Variants in H2AC14 observed in about 807,000 individuals in gnomAD.
The protein encoded by H2AC14 is histone cluster 1, H2aj.
In H2AC14, 6 loss-of-function variants were observed where a neutral mutation model predicts 5.7. The observed-to-expected ratio is 1.05, with a 90% CI of 0.57 to 2.07. H2AC14 has a LOEUF of 2.07. Among genes scored for constraint, H2AC14 ranks in the 30% most tolerant of loss-of-function variants. H2AC14 has a pLI of 0.00. For missense variants in H2AC14, 136 were observed against 174.6 expected (o/e 0.78, Z 1.25); for synonymous variants, 121 against 79.3 (o/e 1.53, Z -2.80).
In H2AC14 at chr6:27,814,457, T is replaced by C; in HGVS notation, c.284A>G (p.Asn95Ser). 6.2e-7 allele frequency: 1 copy of C among 1,613,958 alleles called. No individual in the cohort carries two copies. Among genetic ancestry groups the C allele is most frequent in the Non-Finnish European group, 8.5e-7 (1 of 1,179,930 alleles). ...GATGGTGACTTTGCCCAGAAGCTTGTTGAGCTCCTCATCGTTGCGGATGGC... is the reference window on the plus strand; with the variant it reads ...GATGGTGACTTTGCCCAGAAGCTTGCTGAGCTCCTCATCGTTGCGGATGGC... Reference protein sequence around the residue: ...QLAIRNDEELNKLLGKVTIAQ... With the variant: ...QLAIRNDEELSKLLGKVTIAQ... Residue 95 changes from asparagine (N) to serine (S), a missense_variant, in exon 1 of 1, where the codon AAC (asparagine) becomes AGC (serine). Transcript: ENST00000333151.
Position 27,814,348 on chromosome 6 carries a change from C to T in H2AC14, c.*6G>A, listed in dbSNP as rs760271262. ...CTTTGTTTTTATGCGCTTTTCAACTCGGTCTTTACTTAGTCTTGTGGTGGC... is the reference window on the plus strand; with the variant it reads ...CTTTGTTTTTATGCGCTTTTCAACTTGGTCTTTACTTAGTCTTGTGGTGGC... On this transcript the variant is annotated 3_prime_UTR_variant, in exon 1 of 1. Transcript: ENST00000333151. The T allele has an allele frequency of 1.9e-5, 30 of 1,610,294 alleles. No individual in the cohort carries two copies. The highest frequency in any genetic ancestry group is 1.7e-4 in the Middle Eastern group (1 of 6,056).
Position 27,814,710 on chromosome 6 carries a change from C to T in H2AC14, c.31G>A (p.Ala11Thr), listed in dbSNP as rs374667336. The change falls in exon 1 of 1, where the codon GCT (alanine) becomes ACT (threonine). Residue 11 changes from alanine (A) to threonine (T), a missense_variant. Physicochemically the swap from Ala to Thr is moderately conservative, Grantham distance 58 (BLOSUM62 0). Coordinates refer to ENST00000333151, the MANE Select transcript of H2AC14 (RefSeq NM_021066.3). MSGRGKQGGK[A>T]RAKAKTRSSR... ...GAGCGGGTCTTGGCCTTGGCGCGAGCTTTGCCTCCCTGCTTACCACGCCCA... is the reference window on the plus strand; with the variant it reads ...GAGCGGGTCTTGGCCTTGGCGCGAGTTTTGCCTCCCTGCTTACCACGCCCA... 4 of 1,564,268 alleles carry T rather than the reference C, an allele frequency of 2.6e-6. No individual in the cohort carries two copies. Among genetic ancestry groups the T allele is most frequent in the Admixed American group, 2.0e-5 (1 of 51,002 alleles).
rs774352500 is a variant in H2AC14, at chr6:27,814,543, C to A, written c.198G>T (p.Leu66=). Residue 66 remains leucine (L), a synonymous_variant, in exon 1 of 1, where the codon CTG becomes CTT. Coordinates refer to ENST00000333151, the MANE Select transcript of H2AC14 (RefSeq NM_021066.3). ...TGTTGTCGCGGGCCGCGTTGCCAGC[C>A]AGCTCCAGGATCTCGGCGGTCAGGT... ...LEYLTAEILE[L]AGNAARDNKK... 7 of 1,608,890 alleles carry A rather than the reference C, an allele frequency of 4.4e-6. No individual in the cohort carries two copies. Among genetic ancestry groups the A allele is most frequent in the African/African-American group, 1.3e-5 (1 of 74,712 alleles).
In H2AC14 at chr6:27,814,697, G is replaced by C; in HGVS notation, c.44C>G (p.Ala15Gly). ...GKQGGKARAK[A>G]KTRSSRAGLQ... ...CCCGGCCCGAGAAGAGCGGGTCTTGGCCTTGGCGCGAGCTTTGCCTCCCTG... is the reference window on the plus strand; with the variant it reads ...CCCGGCCCGAGAAGAGCGGGTCTTGCCCTTGGCGCGAGCTTTGCCTCCCTG... Residue 15 changes from alanine to glycine, a missense_variant, in exon 1 of 1, where the codon GCC (alanine) becomes GGC (glycine). Transcript: ENST00000333151. The C allele has an allele frequency of 2.8e-5, 43 of 1,560,772 alleles. No homozygotes were observed. The highest frequency in any genetic ancestry group is 3.6e-5 in the Non-Finnish European group (42 of 1,155,872).
chr6:27,814,590 A>G lies in H2AC14; in HGVS notation c.151T>C (p.Tyr51His). Residue 51 changes from tyrosine to histidine, a missense_variant, in exon 1 of 1, where the codon TAC becomes CAC. This residue lies in a region of H2AC14 where 100 missense variants were observed against 152.3 expected (regional missense o/e 0.66). Transcript: ENST00000333151. ...AERVGAGAPV[Y>H]LAAVLEYLTA... ...AGGTACTCCAGCACCGCCGCCAGGT[A>G]CACCGGCGCTCCAGCACCGACCCGC... The G allele has an allele frequency of 6.3e-7, 1 of 1,598,036 alleles. No homozygotes were observed. The highest frequency in any genetic ancestry group is 8.5e-7 in the Non-Finnish European group (1 of 1,169,924).
Position 27,814,726 on chromosome 6 carries a change from A to C in H2AC14, c.15T>G (p.Gly5=), listed in dbSNP as rs146657069. 3 of 1,566,690 alleles carry C rather than the reference A, an allele frequency of 1.9e-6. No individual in the cohort carries two copies. The highest frequency in any genetic ancestry group is 1.2e-5 in the South Asian group (1 of 84,136). The change falls in exon 1 of 1, where the codon GGT becomes GGG. Residue 5 remains glycine (G), a synonymous_variant. Transcript: ENST00000333151. ...TGGCGCGAGCTTTGCCTCCCTGCTT[A>C]CCACGCCCAGACATGGCAAAAGGTC... MSGR[G]KQGGKARAKA...
chr6:27,814,361 G>GA lies in H2AC14; in HGVS notation c.379_380insT (p.Thr127IlefsTer2). The GA allele has an allele frequency of 6.2e-7, 1 of 1,614,086 alleles. No homozygotes were observed. ...CGCTTTTCAACTCGGTCTTTACTTAGTCTTGTGGTGGCTCTCAGTTTTCTT... is the reference window on the plus strand; with the variant it reads ...CGCTTTTCAACTCGGTCTTTACTTAGATCTTGTGGTGGCTCTCAGTTTTCTT... On this transcript the variant is annotated frameshift_variant, in exon 1 of 1. Transcript: ENST00000333151. LOFTEE classifies it high-confidence loss of function.
rs371200676 is a variant in H2AC14, at chr6:27,814,684, A to G, written c.57T>C (p.Ser19=). ...GKARAKAKTR[S]SRAGLQFPVG... is the part of the protein sequence containing the mutation. ...CGGGAAACTGAAGCCCGGCCCGAGA[A>G]GAGCGGGTCTTGGCCTTGGCGCGAG... The change falls in exon 1 of 1, where the codon TCT becomes TCC. Residue 19 remains serine, a synonymous_variant. Transcript: ENST00000333151. 7.7e-6 allele frequency: 12 copies of G among 1,556,844 alleles called. No individual in the cohort carries two copies. The highest frequency in any genetic ancestry group is 2.2e-5 in the East Asian group (1 of 44,508).
In H2AC14 at chr6:27,814,346, C is replaced by T. The variant is rs772827641; in HGVS notation, c.*8G>A. On this transcript the variant is annotated 3_prime_UTR_variant, in exon 1 of 1. Coordinates refer to ENST00000333151, the MANE Select transcript of H2AC14 (RefSeq NM_021066.3). ...GCCTTTGTTTTTATGCGCTTTTCAA[C>T]TCGGTCTTTACTTAGTCTTGTGGTG... The T allele has an allele frequency of 4.3e-6, 7 of 1,609,840 alleles. No individual in the cohort carries two copies. Among genetic ancestry groups the T allele is most frequent in the African/African-American group, 1.3e-5 (1 of 74,494 alleles).
In H2AC14 at chr6:27,814,758, C is replaced by T. The variant is rs548481166; in HGVS notation, c.-18G>A. 46 of 1,532,642 alleles carry T rather than the reference C, an allele frequency of 3.0e-5. No homozygotes were observed. The highest frequency in any genetic ancestry group is 1.8e-4 in the Middle Eastern group (1 of 5,668). 94.9% of individuals were successfully genotyped at this position (1,532,642 alleles called of 1,614,324 possible). On this transcript the variant is annotated 5_prime_UTR_variant, in exon 1 of 1. Transcript: ENST00000333151. The stretch of plus-strand genomic sequence containing the variant: ...CCAGACATGGCAAAAGGTCTATTAC[C>T]TTTACGGTCAAGAAAGACTGAAATG...
chr6:27,814,667 T>C lies in H2AC14; in HGVS notation c.74A>G (p.Gln25Arg). 2 of 1,548,464 alleles carry C rather than the reference T, an allele frequency of 1.3e-6. No homozygotes were observed. Among genetic ancestry groups the C allele is most frequent in the Non-Finnish European group, 1.7e-6 (2 of 1,151,822 alleles). The change falls in exon 1 of 1, where the codon CAG becomes CGG. Residue 25 changes from glutamine to arginine, a missense_variant. Physicochemically the swap from Gln to Arg is conservative, Grantham distance 43 (BLOSUM62 1). Coordinates refer to ENST00000333151, the MANE Select transcript of H2AC14 (RefSeq NM_021066.3). ...GCGATGCACTCGGCCTACGGGAAAC[T>C]GAAGCCCGGCCCGAGAAGAGCGGGT... is the stretch of plus-strand genomic sequence containing the variant. ...AKTRSSRAGL[Q>R]FPVGRVHRLL...
chr6:27,814,749 G>A lies in H2AC14; in HGVS notation c.-9C>T, dbSNP rs59532390. The A allele has an allele frequency of 2.9e-3, 4,400 of 1,541,716 alleles. 59 individuals are homozygous for A. The African/African-American group carries it at 0.034, about 12-fold the overall frequency. ...TTACCACGCCCAGACATGGCAAAAGGTCTATTACCTTTACGGTCAAGAAAG... is the reference window on the plus strand; with the variant it reads ...TTACCACGCCCAGACATGGCAAAAGATCTATTACCTTTACGGTCAAGAAAG... On this transcript the variant is annotated 5_prime_UTR_variant, in exon 1 of 1. Transcript: ENST00000333151.
chr6:27,814,554 T>C lies in H2AC14; in HGVS notation c.187A>G (p.Ile63Val). ...GCCGCGTTGCCAGCCAGCTCCAGGATCTCGGCGGTCAGGTACTCCAGCACC... is the reference window on the plus strand; with the variant it reads ...GCCGCGTTGCCAGCCAGCTCCAGGACCTCGGCGGTCAGGTACTCCAGCACC... ...AAVLEYLTAEILELAGNAARD... is the reference protein window; with the variant it reads ...AAVLEYLTAEVLELAGNAARD... The change falls in exon 1 of 1, where the codon ATC becomes GTC. Residue 63 changes from isoleucine (I) to valine (V), a missense_variant. This residue lies in a region of H2AC14 where 100 missense variants were observed against 152.3 expected (regional missense o/e 0.66). Transcript: ENST00000333151. 6 of 1,607,740 alleles carry C rather than the reference T, an allele frequency of 3.7e-6. No individual in the cohort carries two copies. Among genetic ancestry groups the C allele is most frequent in the African/African-American group, 1.3e-5 (1 of 74,728 alleles).
In H2AC14 at chr6:27,814,730, C is replaced by T. The variant is rs1760624477; in HGVS notation, c.11G>A (p.Arg4His). The stretch of plus-strand genomic sequence containing the variant: ...GCGAGCTTTGCCTCCCTGCTTACCA[C>T]GCCCAGACATGGCAAAAGGTCTATT... MSGRGKQGGKARAK... is the reference protein window; with the variant it reads MSGHGKQGGKARAK... The change falls in exon 1 of 1, where the codon CGT (arginine) becomes CAT (histidine). Residue 4 changes from arginine to histidine, a missense_variant. Physicochemically the swap from Arg to His is conservative, Grantham distance 29. Around this residue, in one of 2 missense-constraint regions of H2AC14, gnomAD observed 36 missense variants for 22.3 expected, o/e 1.62. Transcript: ENST00000333151. The T allele has an allele frequency of 6.4e-7, 1 of 1,562,652 alleles. No homozygotes were observed. Among genetic ancestry groups the T allele is most frequent in the Non-Finnish European group, 8.6e-7 (1 of 1,156,802 alleles).
Position 27,814,342 on chromosome 6 carries a change from T to C in H2AC14, c.*12A>G. 1.2e-6 allele frequency: 2 copies of C among 1,609,520 alleles called. No individual in the cohort carries two copies. The highest frequency in any genetic ancestry group is 1.7e-6 in the Non-Finnish European group (2 of 1,178,044). ...AAGAGCCTTTGTTTTTATGCGCTTT[T>C]CAACTCGGTCTTTACTTAGTCTTGT... On this transcript the variant is annotated 3_prime_UTR_variant, in exon 1 of 1. Transcript: ENST00000333151.
rs765140362 is a variant in H2AC14 at position 27,814,453 on chromosome 6, C to T, written c.288G>A (p.Lys96=). ...LAIRNDEELN[K]LLGKVTIAQG... ...GTGCGATGGTGACTTTGCCCAGAAG[C>T]TTGTTGAGCTCCTCATCGTTGCGGA... Residue 96 remains lysine (K), a synonymous_variant, in exon 1 of 1, where the codon AAG becomes AAA. Coordinates refer to ENST00000333151, the MANE Select transcript of H2AC14 (RefSeq NM_021066.3). 2.5e-6 allele frequency: 4 copies of T among 1,614,004 alleles called. No homozygotes were observed. The highest frequency in any genetic ancestry group is 3.4e-6 in the Non-Finnish European group (4 of 1,179,982).
Position 27,814,352 on chromosome 6 carries a change from C to CT in H2AC14, c.*1dup. The CT allele has an allele frequency of 6.2e-7, 1 of 1,612,914 alleles. No individual in the cohort carries two copies. The highest frequency in any genetic ancestry group is 8.5e-7 in the Non-Finnish European group (1 of 1,179,418). On this transcript the variant is annotated 3_prime_UTR_variant, in exon 1 of 1. Coordinates refer to ENST00000333151, the MANE Select transcript of H2AC14 (RefSeq NM_021066.3). ...GTTTTTATGCGCTTTTCAACTCGGTCTTTACTTAGTCTTGTGGTGGCTCTC... is the reference window on the plus strand; with the variant it reads ...GTTTTTATGCGCTTTTCAACTCGGTCTTTTACTTAGTCTTGTGGTGGCTCTC...
At position 27,814,609 on chromosome 6, in the gene H2AC14, G is replaced by A. The variant is rs779668241; in HGVS notation, c.132C>T (p.Val44=). 5.7e-6 allele frequency: 9 copies of A among 1,586,236 alleles called. No homozygotes were observed. In the East Asian group the frequency reaches 6.7e-5, roughly 12 times the overall value. ...LLRKGNYAER[V]GAGAPVYLAA... ...CCAGGTACACCGGCGCTCCAGCACC[G>A]ACCCGCTCCGCATAGTTGCCTTTGC... Residue 44 remains valine, a synonymous_variant, in exon 1 of 1, where the codon GTC becomes GTT. Coordinates refer to ENST00000333151, the MANE Select transcript of H2AC14 (RefSeq NM_021066.3).
chr6:27,814,748 G>C lies in H2AC14; in HGVS notation c.-8C>G, dbSNP rs374549068. 4 of 1,547,250 alleles carry C rather than the reference G, an allele frequency of 2.6e-6. No individual in the cohort carries two copies. The highest frequency in any genetic ancestry group is 2.6e-6 in the Non-Finnish European group (3 of 1,149,024). On this transcript the variant is annotated 5_prime_UTR_variant, in exon 1 of 1. Transcript: ENST00000333151. ...CTTACCACGCCCAGACATGGCAAAA[G>C]GTCTATTACCTTTACGGTCAAGAAA...
Sources: gnomAD v4.1 joint callset for allele counts on GRCh38, gnomAD v4.1.1 for gene constraint, gnomAD v4.1.1 regional missense constraint, MANE v1.5 for transcripts, NCBI Gene and HGNC (gene_info 2026-07-23, HGNC 2026-07-21) for gene names.